PTPN4: variants seen among roughly 807,000 people sequenced by gnomAD.
PTPN4 encodes the protein tyrosine-protein phosphatase non-receptor type 4.
A neutral mutation model predicts 135.5 loss-of-function variants in PTPN4; 49 were observed. The observed-to-expected ratio is 0.36, with a 90% CI of 0.29 to 0.46. PTPN4 has a LOEUF of 0.46. Among genes scored for constraint, PTPN4 ranks in the 20% least tolerant of loss-of-function variants. PTPN4 has a pLI of 1.00. For missense variants in PTPN4, 860 were observed against 1,101.0 expected, an observed-to-expected ratio of 0.78 and a Z score of 3.10; for synonymous variants, 333 against 369.9, an observed-to-expected ratio of 0.90 and a Z score of 1.14.
chr2:119,904,004 A>G (rs1678447866), intron 10 of PTPN4, among the ~76,000 whole-genome samples: 1 of 152,224 alleles, frequency 6.6e-6, no homozygotes, highest in Non-Finnish European at 1.5e-5. Context: ...GGTACATCAC[A>G]AGAAAAAGTT....
At chr2:119,839,506 G>A (rs77142982) in intron 2 of PTPN4, among the ~76,000 whole-genome samples, 155 of 152,252 alleles carry the variant, frequency 1.0e-3, no homozygotes, top group African/African-American at 3.7e-3. Context: ...AAATCATTTA[G>A]TTCACTTGTT....
In PTPN4 at chr2:119,981,596, G is replaced by A. The variant is rs546429989; in HGVS notation, c.*4526G>A. The A allele has an allele frequency of 1.9e-4, 29 of 152,002 alleles. No homozygotes were observed. The highest frequency in any genetic ancestry group is 4.1e-4 in the South Asian group (2 of 4,826). The allele number at this position is 152,002 out of a possible 1,614,324, so 9.4% of individuals were successfully genotyped here. ...TTACATAATCCTAAAACATTTTTGA[G>A]GGCTAATTGATAATAATTTCAGCAA... is the stretch of plus-strand genomic sequence containing the variant. On this transcript the variant is annotated 3_prime_UTR_variant, in exon 27 of 27. Transcript: ENST00000263708.
At chr2:119,805,923 T>C (rs1415416268) in intron 1 of PTPN4, among the ~76,000 whole-genome samples, 1 of 152,194 alleles carries the variant, frequency 6.6e-6, no homozygotes, top group Non-Finnish European at 1.5e-5. Flanking sequence ...GCATGGAATG[T>C]TCTTCCATTT....
intron 2 of PTPN4, among the ~76,000 whole-genome samples, chr2:119,815,963 C>T (rs7606911): frequency 0.73 from 110,719 of 152,116 alleles, 40,380 homozygotes; most frequent in East Asian, 0.83. Context: ...CATTGAATAT[C>T]TCTCTCAATA....
rs1679733396 is a variant in PTPN4, at chr2:119,984,220, A to T, written c.*7150A>T. Among the ~76,000 whole-genome samples, 1 of 152,176 alleles carries T rather than the reference A, an allele frequency of 6.6e-6. No homozygotes were observed. Among genetic ancestry groups the T allele is most frequent in the Non-Finnish European group, 1.5e-5 (1 of 68,032 alleles). On this transcript the variant is annotated 3_prime_UTR_variant, in exon 27 of 27. Transcript: ENST00000263708. ...AATTTTAGAACCGATAATTTACTAT[A>T]TCTGCATTATTGATATTTTTAAGTA... is the stretch of plus-strand genomic sequence containing the variant.
At chr2:119,769,660 G>T (rs1347551049) in intron 1 of PTPN4, among the ~76,000 whole-genome samples, 1 of 152,146 alleles carries the variant, frequency 6.6e-6, no homozygotes, top group Non-Finnish European at 1.5e-5. Context: ...GAAGAATAGG[G>T]GACAGCATCA....
intron 1 of PTPN4, among the ~76,000 whole-genome samples, chr2:119,766,337 G>A (rs1690617475): frequency 1.3e-5 from 2 of 152,164 alleles, no homozygotes. Flanking sequence ...AAATCCTAAA[G>A]TAAGCTTAAG....
chr2:119,906,351 A>G (rs951243375), intron 10 of PTPN4, among the ~76,000 whole-genome samples: 14 of 152,172 alleles, frequency 9.2e-5, no homozygotes, highest in Non-Finnish European at 1.9e-4. Context: ...AAAGACAGAA[A>G]AAAACTACCA....
At chr2:119,932,592 T>G (rs750254151) in intron 14 of PTPN4, 43 bp downstream of exon 14, 13 of 1,528,498 alleles carry the variant, frequency 8.5e-6, no homozygotes, top group Non-Finnish European at 1.2e-5. Flanking sequence ...TGAATTTTGC[T>G]AATTTCTAAT....
chr2:119,861,516 C>CT (rs1226317216), intron 2 of PTPN4, among the ~76,000 whole-genome samples: 22 of 152,254 alleles, frequency 1.4e-4, no homozygotes, highest in African/African-American at 5.3e-4. Flanking sequence ...CTTTTGTTTG[C>CT]TACTTATGTT....
At chr2:119,783,148 C>T (rs1690974719) in intron 1 of PTPN4, among the ~76,000 whole-genome samples, 1 of 152,132 alleles carries the variant, frequency 6.6e-6, no homozygotes, top group Admixed American at 6.5e-5. Flanking sequence ...TCAGTTTTCA[C>T]TCATTCGTAT....
intron 25 of PTPN4, among the ~76,000 whole-genome samples, chr2:119,966,576 T>TTA (rs1184942367): frequency 6.6e-6 from 1 of 152,172 alleles, no homozygotes; most frequent in African/African-American, 2.4e-5. Flanking sequence ...CTCCTAATAT[T>TTA]ATCACATTGG....
chr2:119,831,895 C>T (rs1175483462), intron 2 of PTPN4, among the ~76,000 whole-genome samples: 1 of 152,186 alleles, frequency 6.6e-6, no homozygotes, highest in Non-Finnish European at 1.5e-5. Context: ...ACTAGAACCA[C>T]TTGAAGTTTC....
In PTPN4 at chr2:119,977,424, T is replaced by A. The variant is rs1679634172; in HGVS notation, c.*354T>A. ...TCATCTCTGTTATACACCTGTATCA[T>A]GAAAGCAAAAAGAAGTAAACATCAG... On this transcript the variant is annotated 3_prime_UTR_variant, in exon 27 of 27. Coordinates refer to ENST00000263708, the MANE Select transcript of PTPN4 (RefSeq NM_002830.4). 1 of 168,700 alleles carries A rather than the reference T, an allele frequency of 5.9e-6. No individual in the cohort carries two copies. The highest frequency in any genetic ancestry group is 2.4e-5 in the African/African-American group (1 of 41,880). The allele number at this position is 168,700 out of a possible 1,614,324, so 10.5% of individuals were successfully genotyped here.
chr2:119,895,344 T>C (rs1429698517), intron 9 of PTPN4, among the ~76,000 whole-genome samples: 3 of 152,192 alleles, frequency 2.0e-5, no homozygotes, highest in Admixed American at 1.3e-4. Context: ...TTAAGTACCC[T>C]AGGTAATTAG....
At chr2:119,947,320 T>G (rs1290449434) in intron 18 of PTPN4, among the ~76,000 whole-genome samples, 2 of 152,198 alleles carry the variant, frequency 1.3e-5, no homozygotes, top group Non-Finnish European at 1.5e-5. Flanking sequence ...AGCTATGCTT[T>G]TTTTGGTGCT....
At chr2:119,901,433 G>C (rs1156523621) in intron 10 of PTPN4, among the ~76,000 whole-genome samples, 2 of 152,162 alleles carry the variant, frequency 1.3e-5, no homozygotes, top group East Asian at 3.8e-4. Context: ...AACAAAGATA[G>C]AGAAAATTAC....
At chr2:119,910,975 T>C (rs1678562912) in intron 10 of PTPN4, among the ~76,000 whole-genome samples, 1 of 152,104 alleles carries the variant, frequency 6.6e-6, no homozygotes, top group Admixed American at 6.6e-5. Context: ...AATTAAAAAA[T>C]GACCTGAGAA....
chr2:119,892,796 A>T (rs1678260946), intron 9 of PTPN4, among the ~76,000 whole-genome samples: 1 of 150,790 alleles, frequency 6.6e-6, no homozygotes, highest in African/African-American at 2.4e-5. Flanking sequence ...ATCTCAGCTT[A>T]CTGCAGCCTT....
Sources: gnomAD v4.1 joint callset for allele counts (sites outside exome capture counted in the v4.1 genomes callset) on GRCh38, gnomAD v4.1.1 for gene constraint, MANE v1.5 for transcripts, NCBI Gene and HGNC (gene_info 2026-07-23, HGNC 2026-07-21) for gene names.